Variants in RIT2 observed in about 807,000 individuals in gnomAD.
The protein encoded by RIT2 is Ras like without CAAX 2.
Under a neutral mutation model 23.7 loss-of-function variants are expected in RIT2, and 24 were observed. The ratio of observed to expected loss-of-function variants is 1.01; its 90% CI spans 0.73 to 1.43. The LOEUF is 1.43. RIT2 is among the 40% of genes most tolerant of loss of function. The probability of loss-of-function intolerance (pLI) is 0.00; values close to 1 mark genes in which losing one functional copy is unlikely to be tolerated. For missense variants in RIT2, 236 were observed against 266.9 expected (o/e 0.88, Z 0.81); for synonymous variants, 107 against 91.1 (o/e 1.17, Z -0.99).
chr18:42,864,368 T>C (rs574731997), intron 4 of RIT2, among the ~76,000 whole-genome samples: 4 of 152,196 alleles, frequency 2.6e-5, no homozygotes, highest in Admixed American at 1.3e-4. Context: ...CTGTGTACAA[T>C]AGTCATTTAA....
At chr18:43,089,918 T>C (rs951533897) in intron 1 of RIT2, among the ~76,000 whole-genome samples, 7 of 151,876 alleles carry the variant, frequency 4.6e-5, no homozygotes, top group Non-Finnish European at 1.0e-4. Context: ...TAAATATACA[T>C]CCAAAACTAT....
chr18:42,779,751 T>C (rs938547120), intron 4 of RIT2, among the ~76,000 whole-genome samples: 2 of 152,126 alleles, frequency 1.3e-5, no homozygotes, highest in African/African-American at 4.8e-5. Flanking sequence ...GAGAAGTCAA[T>C]GTGATTTGGA....
intron 2 of RIT2, among the ~76,000 whole-genome samples, chr18:42,999,176 A>T (rs552465905): frequency 6.6e-6 from 1 of 152,216 alleles, no homozygotes; most frequent in African/African-American, 2.4e-5. Context: ...TTAAACTTAA[A>T]TATCTTTATT....
At chr18:43,089,307 A>G (rs1345871588) in intron 1 of RIT2, among the ~76,000 whole-genome samples, 1 of 152,134 alleles carries the variant, frequency 6.6e-6, no homozygotes, top group African/African-American at 2.4e-5. Context: ...CCAAATCAGT[A>G]ACACAATCAC....
chr18:43,001,615 A>G (rs1431699312), intron 2 of RIT2, among the ~76,000 whole-genome samples: 1 of 152,012 alleles, frequency 6.6e-6, no homozygotes, highest in African/African-American at 2.4e-5. Flanking sequence ...GATCATTATA[A>G]ACATAGTTGA....
intron 2 of RIT2, among the ~76,000 whole-genome samples, chr18:42,982,811 A>T (rs1910626324): frequency 6.6e-6 from 1 of 152,098 alleles, no homozygotes; most frequent in Non-Finnish European, 1.5e-5. Context: ...ATATGCTAAA[A>T]ATTATACAAT....
intron 1 of RIT2, among the ~76,000 whole-genome samples, chr18:43,036,300 G>A (rs867995973): frequency 1.3e-5 from 2 of 152,176 alleles, no homozygotes; most frequent in Non-Finnish European, 2.9e-5. Flanking sequence ...AGCGCTTTGG[G>A]AGGCCAAGGC....
intron 4 of RIT2, among the ~76,000 whole-genome samples, chr18:42,885,572 C>T (rs188859269): frequency 0.013 from 1,933 of 151,958 alleles, 38 homozygotes; most frequent in African/African-American, 0.042. Flanking sequence ...GGTGACAGAG[C>T]GAGACTCTGT....
chr18:43,026,790 T>C (rs569607744), intron 2 of RIT2, among the ~76,000 whole-genome samples: 2 of 151,044 alleles, frequency 1.3e-5, no homozygotes, highest in Admixed American at 1.3e-4. Flanking sequence ...GATATAAGTA[T>C]GAAATTCAAG....
intron 4 of RIT2, among the ~76,000 whole-genome samples, chr18:42,921,828 T>C (rs1343881231): frequency 6.6e-6 from 1 of 152,094 alleles, no homozygotes; most frequent in Non-Finnish European, 1.5e-5. Context: ...GTCACACTAG[T>C]TCCTAGAGGC....
At chr18:43,055,518 G>A (rs1188468627) in intron 1 of RIT2, among the ~76,000 whole-genome samples, 3 of 152,014 alleles carry the variant, frequency 2.0e-5, no homozygotes, top group Non-Finnish European at 4.4e-5. Context: ...AAGTTATCCA[G>A]AAAAGAGTCA....
At chr18:43,101,552 A>G (rs1284169181) in intron 1 of RIT2, among the ~76,000 whole-genome samples, 1 of 152,236 alleles carries the variant, frequency 6.6e-6, no homozygotes, top group African/African-American at 2.4e-5. Flanking sequence ...ATCTAGAAGA[A>G]GAGGAAGAAT....
intron 1 of RIT2, among the ~76,000 whole-genome samples, chr18:43,077,848 AT>A (rs889040701): frequency 1.3e-5 from 2 of 152,130 alleles, no homozygotes; most frequent in African/African-American, 4.8e-5. Context: ...AGTATGTAGC[AT>A]TTTTTTAGGA....
chr18:42,790,921 A>G (rs1201384925), intron 4 of RIT2, among the ~76,000 whole-genome samples: 1 of 152,164 alleles, frequency 6.6e-6, no homozygotes, highest in Non-Finnish European at 1.5e-5. Flanking sequence ...TGATAGCAAG[A>G]ACAGAGACAA....
intron 1 of RIT2, among the ~76,000 whole-genome samples, chr18:43,041,796 T>C (rs1912134608): frequency 1.3e-5 from 2 of 152,114 alleles, no homozygotes; most frequent in South Asian, 4.1e-4. Context: ...TATTAAATCA[T>C]CAAATTTACT....
rs1910660375 is a variant in RIT2 at position 42,984,243 on chromosome 18, A to G, written c.161-10096T>C. ...TTGAATAATAAAAAAGCAGTGGAGTATAATTGATACAGGCAATAAAGTGTG... is the reference window on the plus strand; with the variant it reads ...TTGAATAATAAAAAAGCAGTGGAGTGTAATTGATACAGGCAATAAAGTGTG... On this transcript the variant is annotated intron_variant, in intron 2 of 4. Transcript: ENST00000326695. 2.0e-5 allele frequency among the ~76,000 whole-genome samples: 3 copies of G among 152,110 alleles called. No individual in the cohort carries two copies. The South Asian group carries it at 6.2e-4, about 31-fold the overall frequency.
chr18:42,800,294 T>A (rs1481573608), intron 4 of RIT2, among the ~76,000 whole-genome samples: 1 of 152,192 alleles, frequency 6.6e-6, no homozygotes, highest in Non-Finnish European at 1.5e-5. Context: ...TGTTATTTTT[T>A]AAGATGATAT....
intron 4 of RIT2, among the ~76,000 whole-genome samples, chr18:42,818,623 C>G (rs547190864): frequency 2.0e-5 from 3 of 152,080 alleles, no homozygotes; most frequent in Admixed American, 2.0e-4. Flanking sequence ...CTGAGTATAT[C>G]AAGAAGCACA....
At chr18:42,876,549 G>C (rs574900878) in intron 4 of RIT2, among the ~76,000 whole-genome samples, 1 of 150,740 alleles carries the variant, frequency 6.6e-6, no homozygotes, top group South Asian at 2.1e-4. Flanking sequence ...AATCACATGG[G>C]GATGAAAAAA....
Sources: allele counts gnomAD v4.1 joint callset (sites outside exome capture counted in the v4.1 genomes callset), GRCh38; gene constraint gnomAD v4.1.1; transcripts MANE v1.5; gene names NCBI Gene and HGNC (gene_info 2026-07-23, HGNC 2026-07-21).